The following ATRX variants were observed in gnomAD, a reference collection of about 807,000 sequenced individuals.
The protein encoded by ATRX is ATRX chromatin remodeler, also known as chromatin remodeler ATRX.
ATRX carries 12 observed loss-of-function variants against 172.6 expected under a neutral mutation model. The ratio of observed to expected loss-of-function variants is 0.07; its 90% confidence interval spans 0.04 to 0.11. The LOEUF (loss-of-function observed/expected upper bound fraction) is 0.11. Ranked by LOEUF, ATRX falls within the 10% of genes least tolerant of loss-of-function variation. ATRX has a pLI of 1.00. For synonymous variants in ATRX, 674 were observed against 594.7 expected (o/e 1.13, Z -1.94); for missense variants, 1,368 against 1,767.4 (o/e 0.77, Z 4.05).
intron 25 of ATRX, chrX:77,594,806 T>A (rs1359384854): frequency 8.9e-6 from 1 of 111,946 alleles, no homozygotes; most frequent in Non-Finnish European, 1.9e-5. Context: ...TGCATGTGTA[T>A]CACTAAACTG....
In ATRX at chrX:77,640,381, C is replaced by T. The variant is rs185518046; in HGVS notation, c.4558-4325G>A. ...ACACAGCAATGAAATAGGAGAAAAACTTAGGACAAATAATCACTTAAGGTG... is the reference window on the plus strand; with the variant it reads ...ACACAGCAATGAAATAGGAGAAAAATTTAGGACAAATAATCACTTAAGGTG... On this transcript the variant is annotated intron_variant, in intron 15 of 34. Transcript: ENST00000373344. Among the ~76,000 whole-genome samples the T allele has an allele frequency of 7.2e-4, 78 of 108,583 alleles. 1 individual carries two copies. Among genetic ancestry groups the T allele is most frequent in the African/African-American group, 2.5e-3 (74 of 29,686 alleles). The allele number at this position is 108,583 out of a possible 115,157, so 94.3% of individuals were successfully genotyped here.
rs2148597464 is a variant in ATRX, at chrX:77,682,804, C to T, written c.2452G>A (p.Asp818Asn). 1 of 1,210,131 alleles carries T rather than the reference C, an allele frequency of 8.3e-7. No individual in the cohort carries two copies. Among genetic ancestry groups the T allele is most frequent in the Non-Finnish European group, 1.1e-6 (1 of 894,902 alleles). The change falls in exon 9 of 35, where the codon GAC (aspartate) becomes AAC (asparagine). Residue 818 changes from aspartate (D) to asparagine (N), a missense_variant. Asp to Asn is a conservative substitution (Grantham distance 23, BLOSUM62 1). Transcript: ENST00000373344. ...RQTQSESSNY[D>N]SELEKEIKSM... ...TTTATCTCTTTTTCTAATTCTGAGT[C>T]ATAATTAGAAGACTCAGACTGGGTT... is the stretch of plus-strand genomic sequence containing the variant.
At chrX:77,732,999 T>C (rs1436745939) in intron 1 of ATRX, among the ~76,000 whole-genome samples, 2 of 112,030 alleles carry the variant, frequency 1.8e-5, no homozygotes, top group Non-Finnish European at 3.8e-5. Flanking sequence ...TGATCTTATA[T>C]TTAGAAAAAC....
intron 30 of ATRX, among the ~76,000 whole-genome samples, chrX:77,532,568 G>A (rs2063613852): frequency 8.9e-6 from 1 of 111,893 alleles, no homozygotes; most frequent in Non-Finnish European, 1.9e-5. Context: ...AATAAGTGGT[G>A]CTAGGAGAAC....
rs782396203 is a variant in ATRX, at chrX:77,572,496, GGT to G, written c.6326+1752_6326+1753del. Among the ~76,000 whole-genome samples the G allele has an allele frequency of 9.0e-5, 10 of 111,023 alleles. No individual in the cohort carries two copies. The East Asian group carries it at 2.8e-3, about 31-fold the overall frequency. On this transcript the variant is annotated intron_variant, in intron 28 of 34. Coordinates refer to ENST00000373344, the MANE Select transcript of ATRX (RefSeq NM_000489.6). ...ACATGCTTTTTGGCATATGTTTAGG[GGT>G]AATTCACTAGTGAGTAAGCCAAGCT...
intron 14 of ATRX, among the ~76,000 whole-genome samples, chrX:77,653,421 T>C (rs2069377862): frequency 8.9e-6 from 1 of 111,914 alleles, no homozygotes; most frequent in Admixed American, 9.5e-5. Flanking sequence ...TAGAAAATAT[T>C]ATGTCAATGA....
At chrX:77,512,595 G>A (rs781940276) in intron 34 of ATRX, among the ~76,000 whole-genome samples, 11 of 112,409 alleles carry the variant, frequency 9.8e-5, no homozygotes, top group South Asian at 3.7e-4. Flanking sequence ...CATGCCGGGC[G>A]CGGTGGCTCA....
intron 1 of ATRX, among the ~76,000 whole-genome samples, chrX:77,767,237 G>A (rs1437857509): frequency 1.1e-5 from 1 of 94,808 alleles, no homozygotes; most frequent in Non-Finnish European, 2.3e-5. Flanking sequence ...AGACCGTGGG[G>A]AGAGGGAGAG....
Position 77,688,677 on chromosome X carries a change from G to A in ATRX, c.594+141C>T, listed in dbSNP as rs782193468. The A allele has an allele frequency of 8.2e-5, 41 of 501,827 alleles. 1 individual carries two copies. The highest frequency in any genetic ancestry group is 6.1e-4 in the South Asian group (22 of 36,192). The allele number at this position is 501,827 out of a possible 1,213,427, so 41.4% of individuals were successfully genotyped here. ...CTATCATGACACTTAGGCTTTGTAC[G>A]TCTATTTTCCCCACTATAGTAGAAG... is the stretch of plus-strand genomic sequence containing the variant. On this transcript the variant is annotated intron_variant, in intron 7 of 34. Transcript: ENST00000373344.
chrX:77,725,248 A>C (rs2073977294), intron 1 of ATRX, among the ~76,000 whole-genome samples: 1 of 112,144 alleles, frequency 8.9e-6, no homozygotes, highest in South Asian at 3.7e-4. Context: ...TAACCAAAAC[A>C]GCATGGTACT....
intron 15 of ATRX, among the ~76,000 whole-genome samples, chrX:77,649,174 A>AAAAG (rs782292282): frequency 9.1e-6 from 1 of 109,594 alleles, no homozygotes; most frequent in South Asian, 4.0e-4. Flanking sequence ...GAAAGAAAGA[A>AAAAG]AAAGAAAGAA....
At chrX:77,541,459 C>T (rs1346609150) in intron 30 of ATRX, among the ~76,000 whole-genome samples, 1 of 112,099 alleles carries the variant, frequency 8.9e-6, no homozygotes, top group Non-Finnish European at 1.9e-5. Flanking sequence ...TCCTCCCTAA[C>T]TCATTTTATG....
At chrX:77,572,619 T>C (rs1277780731) in intron 28 of ATRX, among the ~76,000 whole-genome samples, 1 of 111,581 alleles carries the variant, frequency 9.0e-6, no homozygotes, top group Non-Finnish European at 1.9e-5. Context: ...ATTTTAAAAT[T>C]TGGGAAACCT....
At chrX:77,625,721 G>C (rs2067802989) in intron 19 of ATRX, among the ~76,000 whole-genome samples, 1 of 110,520 alleles carries the variant, frequency 9.0e-6, no homozygotes, top group Admixed American at 9.6e-5. Flanking sequence ...TGCAAGCATG[G>C]CCATAATCAA....
intron 1 of ATRX, among the ~76,000 whole-genome samples, chrX:77,762,334 A>C (rs782224927): frequency 4.4e-4 from 47 of 106,088 alleles, no homozygotes; most frequent in African/African-American, 1.4e-3. Flanking sequence ...AAAAAGATAC[A>C]CATTGACTCA....
rs2071278709 is a variant in ATRX, at chrX:77,682,561, T to C, written c.2695A>G (p.Thr899Ala). 2.0e-5 allele frequency: 24 copies of C among 1,209,579 alleles called. No individual in the cohort carries two copies. The East Asian group carries it at 7.1e-4, about 36-fold the overall frequency. Residue 899 changes from threonine to alanine, a missense_variant, in exon 9 of 35, where the codon ACG becomes GCG. By Grantham distance (58) the Thr-to-Ala change is moderately conservative. This residue lies in a region of ATRX where 843 missense variants were observed against 643.1 expected (regional missense o/e 1.31). Coordinates refer to ENST00000373344, the MANE Select transcript of ATRX (RefSeq NM_000489.6). ...CGATCTCTTAATTCCATGATGGTCG[T>C]GTCTTTATCAACTGTGCCTTCTGCT... ...SSAEGTVDKD[T>A]TIMELRDRLP...
chrX:77,734,797 A>C (rs888405756), intron 1 of ATRX, among the ~76,000 whole-genome samples: 2 of 109,626 alleles, frequency 1.8e-5, no homozygotes, highest in Non-Finnish European at 3.8e-5. Context: ...TCTCAAAAAA[A>C]TAAGTAAAAT....
chrX:77,627,484 C>T (rs2067919260), intron 19 of ATRX, among the ~76,000 whole-genome samples: 1 of 110,914 alleles, frequency 9.0e-6, no homozygotes, highest in South Asian at 3.8e-4. Context: ...CCAGCTACTA[C>T]TCAGGAGGCT....
intron 22 of ATRX, among the ~76,000 whole-genome samples, chrX:77,609,214 C>G (rs1209869914): frequency 9.0e-6 from 1 of 111,474 alleles, no homozygotes; most frequent in Non-Finnish European, 1.9e-5. Context: ...ACCATATGAT[C>G]CTGCAATCCC....
Sources: allele counts gnomAD v4.1 joint callset (sites outside exome capture counted in the v4.1 genomes callset), GRCh38; gene constraint gnomAD v4.1.1; regional missense constraint gnomAD v4.1.1; transcripts MANE v1.5; gene names NCBI Gene and HGNC (gene_info 2026-07-23, HGNC 2026-07-21).